The following BTBD1 variants were observed in gnomAD, a reference collection of about 807,000 sequenced individuals.
The protein encoded by BTBD1 is BTB domain containing 1, also known as BTB/POZ domain-containing protein 1.
In BTBD1, 34 loss-of-function variants were observed where a neutral mutation model predicts 48.0. The observed-to-expected ratio is 0.71, with a 90% CI of 0.54 to 0.94. The LOEUF (loss-of-function observed/expected upper bound fraction) is 0.94. Ranked by LOEUF, BTBD1 falls within the 40% of genes least tolerant of loss-of-function variation. The pLI, the probability that BTBD1 is intolerant of heterozygous loss-of-function variation, is 0.00. For synonymous variants in BTBD1, 261 were observed against 242.1 expected (o/e 1.08, Z -0.72); for missense variants, 543 against 625.6 (o/e 0.87, Z 1.41).
intron 1 of BTBD1, chr15:83,061,942 G>A (rs1352752909): frequency 6.6e-6 from 1 of 152,230 alleles, no homozygotes; most frequent in African/African-American, 2.4e-5. Flanking sequence ...GCCTGTGGGT[G>A]GAATTTTTAC....
chr15:83,066,798 C>A lies in BTBD1; in HGVS notation c.354G>T (p.Glu118Asp). The A allele has an allele frequency of 6.9e-7, 1 of 1,442,246 alleles. No individual in the cohort carries two copies. Among genetic ancestry groups the A allele is most frequent in the South Asian group, 1.4e-5 (1 of 70,136 alleles). 89.3% of individuals were successfully genotyped at this position (1,442,246 alleles called of 1,614,324 possible). ...FNGGMATTSA[E>D]IELPDVEPAA... ...CGGGCTCCACGTCCGGCAGCTCGAT[C>A]TCGGCCGACGTGGTGGCCATGCCGC... Residue 118 changes from glutamate to aspartate, a missense_variant, in exon 1 of 8, where the codon GAG becomes GAT. By Grantham distance (45) the Glu-to-Asp change is conservative. Transcript: ENST00000261721.
intron 1 of BTBD1, among the ~76,000 whole-genome samples, chr15:83,065,607 T>C (rs1407186455): frequency 2.0e-5 from 3 of 152,194 alleles, no homozygotes; most frequent in African/African-American, 7.2e-5. Flanking sequence ...AACAACACGT[T>C]CTACTCAGGC....
At chr15:83,055,176 A>T (rs1013078990) in intron 2 of BTBD1, among the ~76,000 whole-genome samples, 14 of 152,166 alleles carry the variant, frequency 9.2e-5, no homozygotes, top group African/African-American at 3.1e-4. Flanking sequence ...ACAAATGCTA[A>T]ATACTATATG....
At chr15:83,054,563 C>CTTTT (rs1178762435) in intron 2 of BTBD1, among the ~76,000 whole-genome samples, 1 of 130,426 alleles carries the variant, frequency 7.7e-6, no homozygotes, top group Non-Finnish European at 1.6e-5. Flanking sequence ...AACATTTTTT[C>CTTTT]TTTTTTTTTT....
chr15:83,045,591 T>C (rs1474872482), intron 3 of BTBD1, among the ~76,000 whole-genome samples: 2 of 152,144 alleles, frequency 1.3e-5, no homozygotes, highest in Admixed American at 1.3e-4. Context: ...ACATAAGTAA[T>C]ATCCTAGCAA....
At chr15:83,041,113 C>T (rs571987821) in intron 4 of BTBD1, among the ~76,000 whole-genome samples, 8 of 142,586 alleles carry the variant, frequency 5.6e-5, no homozygotes, top group South Asian at 4.3e-4. Flanking sequence ...GTTTGTGCCA[C>T]GGCACTCCAG....
chr15:83,035,161 C>A (rs1270708205), intron 4 of BTBD1, among the ~76,000 whole-genome samples: 1 of 151,852 alleles, frequency 6.6e-6, no homozygotes, highest in African/African-American at 2.4e-5. Context: ...GAGCGTGGCA[C>A]CGCATGCCTG....
chr15:83,036,103 C>CAAAAAAA (rs563839312), intron 4 of BTBD1, among the ~76,000 whole-genome samples: 16 of 75,080 alleles, frequency 2.1e-4, no homozygotes, highest in African/African-American at 4.0e-4. Context: ...GTATCATTAC[C>CAAAAAAA]AAAAAAAAAA....
chr15:83,058,763 G>A (rs2033129649), intron 1 of BTBD1, among the ~76,000 whole-genome samples: 1 of 152,136 alleles, frequency 6.6e-6, no homozygotes, highest in Admixed American at 6.5e-5. Flanking sequence ...ATCACCATTT[G>A]CCCTTGATTA....
chr15:83,039,127 T>C (rs1383593131), intron 4 of BTBD1, among the ~76,000 whole-genome samples: 1 of 151,734 alleles, frequency 6.6e-6, no homozygotes, highest in Admixed American at 6.6e-5. Flanking sequence ...ATTCACAAAC[T>C]ATGTGTTGGA....
At chr15:83,022,865 G>A (rs2032328054) in intron 5 of BTBD1, among the ~76,000 whole-genome samples, 2 of 151,762 alleles carry the variant, frequency 1.3e-5, no homozygotes, top group Admixed American at 1.3e-4. Flanking sequence ...GGAGGCTGAA[G>A]CAGGAGAATC....
intron 5 of BTBD1, 63 bp from the exon 6 acceptor site, chr15:83,020,825 AT>A: frequency 9.2e-7 from 1 of 1,091,046 alleles, no homozygotes; most frequent in Non-Finnish European, 1.4e-6. Flanking sequence ...CTGAAGGGTT[AT>A]AATTTTTTTT....
intron 3 of BTBD1, among the ~76,000 whole-genome samples, chr15:83,049,587 CT>C (rs3837693): frequency 4.6e-5 from 7 of 151,300 alleles, no homozygotes; most frequent in Admixed American, 3.3e-4. Flanking sequence ...TATGTCCTCT[CT>C]TTTTTTTTAA....
chr15:83,062,871 T>C lies in BTBD1; in HGVS notation c.401+3880A>G, dbSNP rs187062035. On this transcript the variant is annotated intron_variant, in intron 1 of 7. Coordinates refer to ENST00000261721, the MANE Select transcript of BTBD1 (RefSeq NM_025238.4). Reference sequence around the variant, plus strand: ...TCTCTGTTCCCCTTTGCAACAAAACTCCTGAGAGGACTGTTTATACTGTCT... The same window carrying C: ...TCTCTGTTCCCCTTTGCAACAAAACCCCTGAGAGGACTGTTTATACTGTCT... Among the ~76,000 whole-genome samples, 5 of 152,266 alleles carry C rather than the reference T, an allele frequency of 3.3e-5. No individual in the cohort carries two copies. The East Asian group carries it at 9.7e-4, about 29-fold the overall frequency.
intron 5 of BTBD1, chr15:83,022,530 G>C (rs1386683327): frequency 3.3e-5 from 5 of 151,840 alleles, no homozygotes; most frequent in African/African-American, 1.2e-4. Flanking sequence ...AATTAGCCAG[G>C]CATGGTGGCA....
chr15:83,062,040 G>A (rs1227973634), intron 1 of BTBD1, among the ~76,000 whole-genome samples: 1 of 152,156 alleles, frequency 6.6e-6, no homozygotes, highest in Non-Finnish European at 1.5e-5. Flanking sequence ...AAGGTAAGGA[G>A]GCCTTAGAAG....
At chr15:83,033,696 G>GC (rs2032567286) in intron 4 of BTBD1, among the ~76,000 whole-genome samples, 2 of 152,008 alleles carry the variant, frequency 1.3e-5, no homozygotes, top group African/African-American at 4.8e-5. Flanking sequence ...CCCCACCTCA[G>GC]CCCCCCAGGT....
At chr15:83,033,648 C>T (rs1315994523) in intron 4 of BTBD1, among the ~76,000 whole-genome samples, 3 of 152,092 alleles carry the variant, frequency 2.0e-5, no homozygotes, top group East Asian at 1.9e-4. Flanking sequence ...GGTGTGATCA[C>T]GGCTAACTGC....
intron 7 of BTBD1, among the ~76,000 whole-genome samples, chr15:83,018,496 A>G (rs764141158): frequency 6.6e-6 from 1 of 152,254 alleles, no homozygotes; most frequent in African/African-American, 2.4e-5. Context: ...TTACTGAAAC[A>G]AAGGGCTACT....
Sources: gnomAD v4.1 joint callset for allele counts (sites outside exome capture counted in the v4.1 genomes callset) on GRCh38, gnomAD v4.1.1 for gene constraint, MANE v1.5 for transcripts, NCBI Gene and HGNC (gene_info 2026-07-23, HGNC 2026-07-21) for gene names.